The following INSYN2A variants were observed in gnomAD, a reference collection of about 807,000 sequenced individuals.
INSYN2A encodes the protein inhibitory synaptic factor 2A.
INSYN2A carries 17 observed loss-of-function variants against 39.4 expected under a neutral mutation model. The observed-to-expected ratio is 0.43, with a 90% CI of 0.30 to 0.65. INSYN2A has a LOEUF of 0.65. Among genes scored for constraint, INSYN2A ranks in the 30% least tolerant of loss-of-function variants. The probability of loss-of-function intolerance (pLI) is 0.14; values close to 1 mark genes in which losing one functional copy is unlikely to be tolerated. For missense variants in INSYN2A, 595 were observed against 631.2 expected (o/e 0.94, Z 0.61); for synonymous variants, 255 against 265.7 (o/e 0.96, Z 0.39).
intron 4 of INSYN2A, among the ~76,000 whole-genome samples, chr10:127,172,111 TG>T (rs2054631553): frequency 1.3e-5 from 2 of 152,242 alleles, no homozygotes; most frequent in Non-Finnish European, 2.9e-5. Flanking sequence ...TTTGTTTGTT[TG>T]TTTTTTTAAA....
chr10:127,149,463 C>T (rs1027557358), intron 5 of INSYN2A, among the ~76,000 whole-genome samples: 5 of 152,090 alleles, frequency 3.3e-5, no homozygotes, highest in Admixed American at 6.5e-5. Flanking sequence ...AAATATGTAC[C>T]GCCTCCCATG....
chr10:127,167,575 T>C (rs1057140536), intron 4 of INSYN2A, among the ~76,000 whole-genome samples: 9 of 152,196 alleles, frequency 5.9e-5, no homozygotes, highest in Admixed American at 5.9e-4. Flanking sequence ...GACATCTCTA[T>C]AGAATATGTT....
intron 4 of INSYN2A, among the ~76,000 whole-genome samples, chr10:127,157,662 T>G (rs1474952636): frequency 6.6e-6 from 1 of 152,240 alleles, no homozygotes; most frequent in Non-Finnish European, 1.5e-5. Context: ...CTGTGGTCAT[T>G]CTTTTTTTAG....
At chr10:127,168,867 C>T (rs1361443250) in intron 4 of INSYN2A, among the ~76,000 whole-genome samples, 1 of 152,184 alleles carries the variant, frequency 6.6e-6, no homozygotes, top group Non-Finnish European at 1.5e-5. Context: ...TGCTCTGTAA[C>T]TTAAATAGTC....
intron 5 of INSYN2A, among the ~76,000 whole-genome samples, chr10:127,147,433 C>T (rs963891614): frequency 6.6e-6 from 1 of 152,280 alleles, no homozygotes; most frequent in South Asian, 2.1e-4. Flanking sequence ...TTTGCCAGGT[C>T]GGGCACCCTG....
chr10:127,166,301 G>A (rs1395095287), intron 4 of INSYN2A, among the ~76,000 whole-genome samples: 1 of 151,992 alleles, frequency 6.6e-6, no homozygotes, highest in South Asian at 2.1e-4. Context: ...TCCTGACCTC[G>A]TGATCCACCC....
At chr10:127,172,112 GT>G (rs1424437308) in intron 4 of INSYN2A, among the ~76,000 whole-genome samples, 1 of 152,176 alleles carries the variant, frequency 6.6e-6, no homozygotes, top group South Asian at 2.1e-4. Flanking sequence ...TTGTTTGTTT[GT>G]TTTTTTAAAC....
chr10:127,182,273 G>C (rs1202973024), intron 2 of INSYN2A, among the ~76,000 whole-genome samples: 1 of 152,158 alleles, frequency 6.6e-6, no homozygotes, highest in Non-Finnish European at 1.5e-5. Context: ...CCCCACTCAT[G>C]CATATCTGCG....
chr10:127,185,535 G>C (rs1474831522), intron 2 of INSYN2A, among the ~76,000 whole-genome samples: 1 of 152,194 alleles, frequency 6.6e-6, no homozygotes, highest in Non-Finnish European at 1.5e-5. Context: ...AGTATCCTTA[G>C]AGCTGGGACC....
intron 5 of INSYN2A, among the ~76,000 whole-genome samples, chr10:127,146,899 C>T (rs549865663): frequency 2.6e-5 from 4 of 152,244 alleles, no homozygotes; most frequent in Admixed American, 6.5e-5. Context: ...AGGAGGTGCC[C>T]GGTTCTGCCG....
rs1219120284 is a variant in INSYN2A, at chr10:127,136,060, T to TA, written c.*1776_*1777insT. On this transcript the variant is annotated 3_prime_UTR_variant, in exon 6 of 6. Transcript: ENST00000522781. The stretch of plus-strand genomic sequence containing the variant: ...TATTTCTCAGTTCCTTTTATTGATA[T>TA]TCAGGGATTCGAACTTCATATAGTG... 2 of 152,658 alleles carry TA rather than the reference T, an allele frequency of 1.3e-5. No individual in the cohort carries two copies. Among genetic ancestry groups the TA allele is most frequent in the Non-Finnish European group, 2.9e-5 (2 of 68,052 alleles). The allele number at this position is 152,658 out of a possible 1,614,324, so 9.5% of individuals were successfully genotyped here.
At chr10:127,166,066 T>G (rs1450811575) in intron 4 of INSYN2A, among the ~76,000 whole-genome samples, 2 of 151,110 alleles carry the variant, frequency 1.3e-5, no homozygotes, top group African/African-American at 2.4e-5. Context: ...CATTTTCTTA[T>G]TTATTTATTT....
At position 127,175,305 on chromosome 10, in the gene INSYN2A, A is replaced by G; in HGVS notation, c.1091T>C (p.Met364Thr). 1.9e-6 allele frequency: 3 copies of G among 1,614,094 alleles called. No homozygotes were observed. Among genetic ancestry groups the G allele is most frequent in the South Asian group, 1.1e-5 (1 of 91,068 alleles). Residue 364 changes from methionine to threonine, a missense_variant, in exon 4 of 6, where the codon ATG becomes ACG. By Grantham distance (81) the Met-to-Thr change is moderately conservative. This residue lies in a region of INSYN2A where 117 missense variants were observed against 163.8 expected (regional missense o/e 0.71). Transcript: ENST00000522781. This position sits in a 1 kb window ranked among gnomAD's most constrained non-coding sequence, Gnocchi z 6.3. The part of the protein sequence containing the change: ...EVVDLKAQLQ[M>T]MENLISSSQE... ...GCTTGAACTGATCAAGTTCTCCATC[A>G]TCTGAAGTTGTGCTTTGAGGTCGAC... is the stretch of plus-strand genomic sequence containing the variant.
intron 2 of INSYN2A, among the ~76,000 whole-genome samples, chr10:127,188,572 G>A (rs2056482288): frequency 6.6e-6 from 1 of 152,152 alleles, no homozygotes; most frequent in African/African-American, 2.4e-5. Flanking sequence ...GGGTGCTCAA[G>A]GTCTTCCCAT....
chr10:127,164,997 T>C (rs1454847497), intron 4 of INSYN2A, among the ~76,000 whole-genome samples: 3 of 152,210 alleles, frequency 2.0e-5, no homozygotes, highest in Non-Finnish European at 4.4e-5. Context: ...TAAGCTATAA[T>C]TTATTGAAAA....
At chr10:127,178,064 C>T (rs1322166444) in intron 2 of INSYN2A, among the ~76,000 whole-genome samples, 1 of 152,126 alleles carries the variant, frequency 6.6e-6, no homozygotes, top group Non-Finnish European at 1.5e-5. Context: ...GCATGACAGG[C>T]CGAGGTGCAC....
In INSYN2A at chr10:127,135,892, G is replaced by T. The variant is rs552732991; in HGVS notation, c.*1945C>A. On this transcript the variant is annotated 3_prime_UTR_variant, in exon 6 of 6. Coordinates refer to ENST00000522781, the MANE Select transcript of INSYN2A (RefSeq NM_001039762.3). ...GGGATTCTTAAAACATAAGGAGAGA[G>T]AACTTGTTGGAAACATTTTTATAAC... The T allele has an allele frequency of 6.6e-6, 1 of 152,656 alleles. No individual in the cohort carries two copies. Among genetic ancestry groups the T allele is most frequent in the East Asian group, 1.9e-4 (1 of 5,182 alleles). The allele number at this position is 152,656 out of a possible 1,614,324, so 9.5% of individuals were successfully genotyped here.
chr10:127,167,515 G>A (rs1237830757), intron 4 of INSYN2A, among the ~76,000 whole-genome samples: 1 of 151,866 alleles, frequency 6.6e-6, no homozygotes, highest in Non-Finnish European at 1.5e-5. Flanking sequence ...CCCCCGCCCC[G>A]AAACTTTTAT....
intron 1 of INSYN2A, among the ~76,000 whole-genome samples, chr10:127,195,549 A>T (rs955997227): frequency 2.7e-5 from 4 of 146,840 alleles, no homozygotes; most frequent in Non-Finnish European, 4.5e-5. Context: ...AATCAGCCGT[A>T]CTTGTACTTT....
Sources: gnomAD v4.1 joint callset for allele counts (sites outside exome capture counted in the v4.1 genomes callset) on GRCh38, gnomAD v4.1.1 for gene constraint, gnomAD v4.1.1 regional missense constraint, Gnocchi (gnomAD v3.1) non-coding constraint, MANE v1.5 for transcripts, NCBI Gene and HGNC (gene_info 2026-07-23, HGNC 2026-07-21) for gene names.